Variants in FRS2 observed in about 807,000 individuals in gnomAD.
The protein encoded by FRS2 is fibroblast growth factor receptor substrate 2, also known as FGFR signalling adaptor.
Under a neutral mutation model 43.9 loss-of-function variants are expected in FRS2, and 8 were observed. The observed-to-expected ratio is 0.18, with a 90% confidence interval of 0.11 to 0.33. The LOEUF is 0.33. Among genes scored for constraint, FRS2 ranks in the 10% least tolerant of loss-of-function variants. The pLI is 1.00. For synonymous variants in FRS2, 219 were observed against 220.3 expected (o/e 0.99, Z 0.05); for missense variants, 534 against 627.6 (o/e 0.85, Z 1.59).
intron 1 of FRS2, among the ~76,000 whole-genome samples, chr12:69,491,893 T>C (rs221096): frequency 0.094 from 14,251 of 152,290 alleles, 880 homozygotes; most frequent in Non-Finnish European, 0.14. Context: ...AATTTCTGTG[T>C]CCGTGGATAT....
Position 69,526,831 on chromosome 12 carries a change from C to T in FRS2, c.-260-4034C>T, listed in dbSNP as rs181790549. Reference sequence around the variant, plus strand: ...CTCCGCCTCCCAGGTTCAAGTGATTCTCCTGCCTCAGCCTCCTGAGTAGAT... The same window carrying T: ...CTCCGCCTCCCAGGTTCAAGTGATTTTCCTGCCTCAGCCTCCTGAGTAGAT... On this transcript the variant is annotated intron_variant, in intron 1 of 8. Transcript: ENST00000549921. Among the ~76,000 whole-genome samples the T allele has an allele frequency of 3.4e-3, 511 of 152,064 alleles. 3 individuals are homozygous for T. The highest frequency in any genetic ancestry group is 0.011 in the African/African-American group (477 of 41,496).
chr12:69,497,527 G>A (rs962974684), intron 1 of FRS2, among the ~76,000 whole-genome samples: 4 of 152,140 alleles, frequency 2.6e-5, no homozygotes, highest in African/African-American at 9.7e-5. Flanking sequence ...TGAGAGCAGA[G>A]CCATCTTGAC....
At chr12:69,563,564 C>T (rs1032798719) in intron 4 of FRS2, among the ~76,000 whole-genome samples, 13 of 152,148 alleles carry the variant, frequency 8.5e-5, no homozygotes, top group Admixed American at 8.5e-4. Context: ...ACCCTCTGAC[C>T]GTGGGTCAGT....
chr12:69,545,287 G>A (rs578078296), intron 3 of FRS2, among the ~76,000 whole-genome samples: 1 of 152,084 alleles, frequency 6.6e-6, no homozygotes. Context: ...CGCCCATTCT[G>A]CAATTCATAT....
At chr12:69,471,683 A>G (rs763390800) in intron 1 of FRS2, among the ~76,000 whole-genome samples, 4 of 152,262 alleles carry the variant, frequency 2.6e-5, no homozygotes, top group Non-Finnish European at 5.9e-5. Context: ...GTTTTCCACA[A>G]TAAATGGTGA....
intron 1 of FRS2, among the ~76,000 whole-genome samples, chr12:69,487,864 A>G (rs900854257): frequency 4.6e-5 from 7 of 152,220 alleles, no homozygotes; most frequent in Non-Finnish European, 8.8e-5. Flanking sequence ...TCCAGCTCTT[A>G]TAGATCTCTT....
intron 3 of FRS2, among the ~76,000 whole-genome samples, chr12:69,536,865 A>G (rs1028190057): frequency 8.5e-5 from 13 of 152,098 alleles, no homozygotes; most frequent in African/African-American, 2.9e-4. Flanking sequence ...CACCGTGCCC[A>G]GCTCTGATTT....
chr12:69,513,018 C>T (rs1278689068), intron 1 of FRS2, among the ~76,000 whole-genome samples: 2 of 152,078 alleles, frequency 1.3e-5, no homozygotes, highest in Non-Finnish European at 2.9e-5. Context: ...AGATAAGTTC[C>T]TTGGGTAAGT....
chr12:69,569,497 T>G (rs1049016199), intron 5 of FRS2, among the ~76,000 whole-genome samples: 5 of 152,342 alleles, frequency 3.3e-5, no homozygotes, highest in African/African-American at 1.2e-4. Flanking sequence ...CTCTCATCAT[T>G]CACTAACCTC....
chr12:69,574,316 A>T lies in FRS2; in HGVS notation c.888A>T (p.Arg296Ser), dbSNP rs1881017510. ...WDTGYDSDER[R>S]DAPSVNKLVY... The stretch of plus-strand genomic sequence containing the variant: ...CTGGCTATGACAGTGATGAACGAAG[A>T]GATGCACCCTCTGTTAACAAACTGG... Residue 296 changes from arginine (R) to serine (S), a missense_variant, in exon 9 of 9, where the codon AGA becomes AGT. Transcript: ENST00000549921. 1.2e-6 allele frequency: 2 copies of T among 1,614,078 alleles called. No individual in the cohort carries two copies. Among genetic ancestry groups the T allele is most frequent in the African/African-American group, 2.7e-5 (2 of 74,954 alleles).
At chr12:69,488,539 CTTGCCTTATTGCAAAAT>C (rs1298107163) in intron 1 of FRS2, among the ~76,000 whole-genome samples, 3 of 152,312 alleles carry the variant, frequency 2.0e-5, no homozygotes, top group Non-Finnish European at 2.9e-5. Flanking sequence ...AACTTTGTGA[CTTGCCTTATTGCAAAAT>C]TTGCTTTATT....
At chr12:69,502,549 T>G (rs1873552564) in intron 1 of FRS2, among the ~76,000 whole-genome samples, 1 of 152,140 alleles carries the variant, frequency 6.6e-6, no homozygotes, top group Non-Finnish European at 1.5e-5. Flanking sequence ...GATTTTTGGT[T>G]GATGACAGCT....
intron 3 of FRS2, among the ~76,000 whole-genome samples, chr12:69,537,650 G>A (rs919238956): frequency 6.6e-6 from 1 of 151,726 alleles, no homozygotes; most frequent in Non-Finnish European, 1.5e-5. Context: ...TGTATTGAGG[G>A]CGTTATTTTT....
intron 1 of FRS2, among the ~76,000 whole-genome samples, chr12:69,522,785 G>T (rs1875818978): frequency 6.6e-6 from 1 of 152,126 alleles, no homozygotes; most frequent in East Asian, 1.9e-4. Context: ...GATTCTGGTT[G>T]TATCTTTGTA....
intron 3 of FRS2, among the ~76,000 whole-genome samples, chr12:69,548,909 T>G (rs1878640051): frequency 6.6e-6 from 1 of 152,218 alleles, no homozygotes; most frequent in African/African-American, 2.4e-5. Context: ...CAATCTGGTC[T>G]GCTGGTGCCT....
intron 3 of FRS2, chr12:69,537,885 A>G (rs757537271): frequency 1.3e-5 from 2 of 152,566 alleles, no homozygotes; most frequent in Non-Finnish European, 2.9e-5. Flanking sequence ...AACTCATTTA[A>G]GAGCTGGCTT....
At chr12:69,483,361 G>A (rs571605987) in intron 1 of FRS2, among the ~76,000 whole-genome samples, 2 of 152,214 alleles carry the variant, frequency 1.3e-5, no homozygotes, top group South Asian at 2.1e-4. Flanking sequence ...ACAATGCCCC[G>A]TGACCCCCAA....
Position 69,573,463 on chromosome 12 carries a change from A to G in FRS2, c.577-542A>G, listed in dbSNP as rs567944785. ...ACAATCAAATATAATGTTGCATGTT[A>G]TTTTATTTTATTTTTTGAGATGGAG... On this transcript the variant is annotated intron_variant, in intron 8 of 8. Transcript: ENST00000549921. Among the ~76,000 whole-genome samples the G allele has an allele frequency of 2.0e-5, 3 of 151,910 alleles. No individual in the cohort carries two copies. In the South Asian group the frequency reaches 6.3e-4, roughly 32 times the overall value.
chr12:69,478,574 A>G (rs1043830705), intron 1 of FRS2, among the ~76,000 whole-genome samples: 3 of 152,204 alleles, frequency 2.0e-5, no homozygotes, highest in Admixed American at 1.3e-4. Flanking sequence ...TATTTGTTGA[A>G]TGAAATAATT....
Sources: gnomAD v4.1 joint callset for allele counts (sites outside exome capture counted in the v4.1 genomes callset) on GRCh38, gnomAD v4.1.1 for gene constraint, MANE v1.5 for transcripts, NCBI Gene and HGNC (gene_info 2026-07-23, HGNC 2026-07-21) for gene names.